NUBPL: variants seen among roughly 807,000 people sequenced by gnomAD.
NUBPL encodes the protein NUBP iron-sulfur cluster assembly factor, mitochondrial.
In NUBPL, 31 loss-of-function variants were observed where a neutral mutation model predicts 45.7. The observed-to-expected ratio is 0.68, with a 90% CI of 0.51 to 0.92. NUBPL has a LOEUF of 0.92. NUBPL is among the 40% of genes least tolerant of loss of function. NUBPL has a pLI of 0.00. For synonymous variants in NUBPL, 144 were observed against 140.9 expected, an observed-to-expected ratio of 1.02 and a Z score of -0.15; for missense variants, 401 against 398.7, an observed-to-expected ratio of 1.01 and a Z score of -0.05.
At chr14:31,755,014 C>CA (rs2038625398) in intron 6 of NUBPL, among the ~76,000 whole-genome samples, 1 of 151,776 alleles carries the variant, frequency 6.6e-6, no homozygotes, top group African/African-American at 2.4e-5. Context: ...CATGTCCCTA[C>CA]AAAGGACATG....
At chr14:31,824,327 T>C (rs2040063832) in intron 7 of NUBPL, among the ~76,000 whole-genome samples, 1 of 152,104 alleles carries the variant, frequency 6.6e-6, no homozygotes, top group South Asian at 2.1e-4. Context: ...ATAGTGTATC[T>C]CAAACTTGAG....
intron 4 of NUBPL, among the ~76,000 whole-genome samples, chr14:31,650,287 C>CTTTTTTTTT (rs35127795): frequency 8.6e-6 from 1 of 116,598 alleles, no homozygotes; most frequent in Non-Finnish European, 1.7e-5. Context: ...GGCTTTCTTT[C>CTTTTTTTTT]TTTTTTTTTT....
intron 4 of NUBPL, among the ~76,000 whole-genome samples, chr14:31,644,913 T>C (rs2035802415): frequency 6.6e-6 from 1 of 152,142 alleles, no homozygotes; most frequent in Non-Finnish European, 1.5e-5. Flanking sequence ...TTGTTTGTTC[T>C]TTTTTGCACA....
chr14:31,593,832 C>CA (rs1009284390), intron 3 of NUBPL, among the ~76,000 whole-genome samples: 11 of 152,000 alleles, frequency 7.2e-5, no homozygotes, highest in Non-Finnish European at 1.2e-4. Flanking sequence ...ATAGCAACTG[C>CA]AAAACTCCTA....
chr14:31,809,843 C>T (rs2039765080), intron 7 of NUBPL, among the ~76,000 whole-genome samples: 1 of 129,526 alleles, frequency 7.7e-6, no homozygotes, highest in African/African-American at 2.5e-5. Context: ...TTTCAAAGAA[C>T]ATTTTTATTT....
At chr14:31,689,074 G>A (rs997746721) in intron 6 of NUBPL, among the ~76,000 whole-genome samples, 1 of 151,802 alleles carries the variant, frequency 6.6e-6, no homozygotes, top group African/African-American at 2.4e-5. Context: ...ACCATTGATA[G>A]GCATTTAGGT....
At chr14:31,670,747 G>A (rs550308512) in intron 4 of NUBPL, among the ~76,000 whole-genome samples, 29 of 152,294 alleles carry the variant, frequency 1.9e-4, no homozygotes, top group African/African-American at 7.0e-4. Flanking sequence ...CCCATTGCTT[G>A]TTTTTGTCAG....
chr14:31,675,427 C>T (rs182466968), intron 6 of NUBPL, among the ~76,000 whole-genome samples: 21 of 152,256 alleles, frequency 1.4e-4, no homozygotes, highest in African/African-American at 4.3e-4. Flanking sequence ...AGAAACCAAA[C>T]CATTATTTGG....
At position 31,673,467 on chromosome 14, in the gene NUBPL, TTA is replaced by T; in HGVS notation, c.423-15_423-14del. On this transcript the variant is annotated splice_polypyrimidine_tract_variant and intron_variant, in intron 5 of 10. Transcript: ENST00000281081. ...TAATTTATACAAATTAGTTGTATTT[TTA>T]TGTTACTGTTGCAGTATGTCTATGG... is the stretch of plus-strand genomic sequence containing the variant. 1 of 1,611,542 alleles carries T rather than the reference TTA, an allele frequency of 6.2e-7. No individual in the cohort carries two copies. The highest frequency in any genetic ancestry group is 8.5e-7 in the Non-Finnish European group (1 of 1,177,770).
chr14:31,604,501 A>C (rs1420612902), intron 4 of NUBPL, among the ~76,000 whole-genome samples: 1 of 152,208 alleles, frequency 6.6e-6, no homozygotes, highest in Non-Finnish European at 1.5e-5. Flanking sequence ...TAGACCAGTG[A>C]ATTGAATCCC....
At chr14:31,739,909 G>A (rs1231659362) in intron 6 of NUBPL, among the ~76,000 whole-genome samples, 1 of 152,140 alleles carries the variant, frequency 6.6e-6, no homozygotes, top group African/African-American at 2.4e-5. Context: ...GATTCATACA[G>A]TATGTAGACT....
rs1042242133 is a variant in NUBPL, at chr14:31,586,944, T to C, written c.292-12345T>C. Among the ~76,000 whole-genome samples, 5 of 152,350 alleles carry C rather than the reference T, an allele frequency of 3.3e-5. No individual in the cohort carries two copies. In the East Asian group the frequency reaches 9.6e-4, roughly 29 times the overall value. Reference sequence around the variant, plus strand: ...GAATTGGGTCCTTACTCTATTAATGTCACTTACTTGAATCTAACTCTCAGT... The same window carrying C: ...GAATTGGGTCCTTACTCTATTAATGCCACTTACTTGAATCTAACTCTCAGT... On this transcript the variant is annotated intron_variant, in intron 3 of 10. Coordinates refer to ENST00000281081, the MANE Select transcript of NUBPL (RefSeq NM_025152.3).
rs555085671 is a variant in NUBPL, at chr14:31,595,408, T to A, written c.292-3881T>A. 2.4e-4 allele frequency among the ~76,000 whole-genome samples: 36 copies of A among 152,362 alleles called. No individual in the cohort carries two copies. The South Asian group carries it at 7.3e-3, about 31-fold the overall frequency. Reference sequence around the variant, plus strand: ...CAATCAGACTTTACAATAGTAAGTTTACAGTTATTTTTGCTAATAGTAATT... The same window carrying A: ...CAATCAGACTTTACAATAGTAAGTTAACAGTTATTTTTGCTAATAGTAATT... On this transcript the variant is annotated intron_variant, in intron 3 of 10. Coordinates refer to ENST00000281081, the MANE Select transcript of NUBPL (RefSeq NM_025152.3).
intron 6 of NUBPL, among the ~76,000 whole-genome samples, chr14:31,756,166 T>G (rs1489888900): frequency 6.6e-6 from 1 of 152,104 alleles, no homozygotes; most frequent in African/African-American, 2.4e-5. Flanking sequence ...TGGCTTAGGA[T>G]TGACTTGGTG....
At chr14:31,830,298 A>G (rs561574387) in intron 8 of NUBPL, among the ~76,000 whole-genome samples, 28 of 152,358 alleles carry the variant, frequency 1.8e-4, no homozygotes, top group Admixed American at 8.5e-4. Context: ...TGGTTTAGAA[A>G]AAAATAAAGA....
At chr14:31,842,623 G>T (rs2040394522) in intron 8 of NUBPL, among the ~76,000 whole-genome samples, 1 of 152,060 alleles carries the variant, frequency 6.6e-6, no homozygotes, top group Non-Finnish European at 1.5e-5. Flanking sequence ...GACCACAGGT[G>T]TGTGATACCA....
At chr14:31,814,899 T>G (rs2138921411) in intron 7 of NUBPL, among the ~76,000 whole-genome samples, 1 of 152,284 alleles carries the variant, frequency 6.6e-6, no homozygotes, top group Non-Finnish European at 1.5e-5. Flanking sequence ...GGTCTGTATC[T>G]CTGTTTTGGT....
At chr14:31,623,042 G>A (rs1475943219) in intron 4 of NUBPL, among the ~76,000 whole-genome samples, 8 of 152,230 alleles carry the variant, frequency 5.3e-5, no homozygotes, top group Non-Finnish European at 1.2e-4. Flanking sequence ...AGCCACAGGG[G>A]TGGAGCTGCC....
rs147484005 is a variant in NUBPL, at chr14:31,741,797, C to A, written c.514-45983C>A. On this transcript the variant is annotated intron_variant, in intron 6 of 10. Coordinates refer to ENST00000281081, the MANE Select transcript of NUBPL (RefSeq NM_025152.3). ...ATTGTGGTTCTTCATATCTGCCTGT[C>A]TACCTGTCTAATTTTTGGGGCACTG... Among the ~76,000 whole-genome samples the A allele has an allele frequency of 1.4e-3, 205 of 149,386 alleles. 1 individual carries two copies. In the East Asian group the frequency reaches 0.025, roughly 18 times the overall value.
Sources: gnomAD v4.1 joint callset for allele counts (sites outside exome capture counted in the v4.1 genomes callset) on GRCh38, gnomAD v4.1.1 for gene constraint, MANE v1.5 for transcripts, NCBI Gene and HGNC (gene_info 2026-07-23, HGNC 2026-07-21) for gene names.